Variants in AGBL4 observed in about 807,000 individuals in gnomAD.
The protein encoded by AGBL4 is cytosolic carboxypeptidase 6.
A neutral mutation model predicts 66.4 loss-of-function variants in AGBL4; 58 were observed. The observed-to-expected ratio is 0.87, with a 90% CI of 0.71 to 1.09. The LOEUF (loss-of-function observed/expected upper bound fraction) is 1.09. AGBL4 is among the 50% of genes least tolerant of loss of function. The pLI is 0.00. For missense variants in AGBL4, 579 were observed against 631.0 expected, an observed-to-expected ratio of 0.92 and a Z score of 0.88; for synonymous variants, 234 against 222.9, an observed-to-expected ratio of 1.05 and a Z score of -0.44.
intron 6 of AGBL4, among the ~76,000 whole-genome samples, chr1:48,667,762 G>C (rs1646211823): frequency 1.3e-5 from 2 of 152,180 alleles, no homozygotes; most frequent in South Asian, 2.1e-4. Context: ...CCAAGATGTG[G>C]AGAATCTCAA....
chr1:49,866,557 A>G (rs1213748343), intron 1 of AGBL4, among the ~76,000 whole-genome samples: 4 of 152,164 alleles, frequency 2.6e-5, no homozygotes, highest in Non-Finnish European at 4.4e-5. Flanking sequence ...TGAGGTCAGG[A>G]GTTCGAGACC....
At chr1:48,754,438 G>A (rs569456041) in intron 6 of AGBL4, among the ~76,000 whole-genome samples, 5 of 152,054 alleles carry the variant, frequency 3.3e-5, no homozygotes, top group Admixed American at 1.3e-4. Flanking sequence ...GGATACCCTC[G>A]ATAACTGTTC....
chr1:49,537,013 A>T (rs1029659551), intron 3 of AGBL4, among the ~76,000 whole-genome samples: 1 of 152,110 alleles, frequency 6.6e-6, no homozygotes, highest in African/African-American at 2.4e-5. Flanking sequence ...TCTCAAAAAA[A>T]AAAAAAAGTT....
At chr1:49,610,151 G>A (rs1018423845) in intron 3 of AGBL4, among the ~76,000 whole-genome samples, 6 of 152,174 alleles carry the variant, frequency 3.9e-5, no homozygotes, top group African/African-American at 1.4e-4. Flanking sequence ...AACATGCCCA[G>A]TAAGCCATTC....
chr1:49,253,283 A>G lies in AGBL4; in HGVS notation c.283-7419T>C, dbSNP rs1016447516. On this transcript the variant is annotated intron_variant, in intron 3 of 13. Transcript: ENST00000371839. ...TAGTTTCTGAAAAAACAGACTTTAA[A>G]CCAACAAAGCCCAAAATGACAAAGA... Among the ~76,000 whole-genome samples, 4 of 152,300 alleles carry G rather than the reference A, an allele frequency of 2.6e-5. No individual in the cohort carries two copies. The South Asian group carries it at 6.2e-4, about 24-fold the overall frequency.
intron 4 of AGBL4, among the ~76,000 whole-genome samples, chr1:49,124,834 A>G (rs1321703847): frequency 2.0e-5 from 3 of 152,198 alleles, no homozygotes; most frequent in Non-Finnish European, 4.4e-5. Context: ...TAGTGGGATT[A>G]TATTTCAACT....
At chr1:48,557,685 T>C (rs1644341362) in intron 11 of AGBL4, among the ~76,000 whole-genome samples, 1 of 152,236 alleles carries the variant, frequency 6.6e-6, no homozygotes, top group African/African-American at 2.4e-5. Context: ...TGGTTAGTTA[T>C]AGCTATAGGG....
intron 2 of AGBL4, 58 bp from the exon 3 acceptor site, chr1:49,697,495 A>G (rs1647009919): frequency 7.5e-7 from 1 of 1,326,808 alleles, no homozygotes; most frequent in African/African-American, 1.5e-5. Context: ...GCTCAATGGT[A>G]CACACATTTA....
intron 1 of AGBL4, among the ~76,000 whole-genome samples, chr1:49,882,975 G>C (rs1647569900): frequency 6.6e-6 from 1 of 152,040 alleles, no homozygotes; most frequent in Non-Finnish European, 1.5e-5. Context: ...AAATATGTGA[G>C]CTTAGTACCT....
At chr1:48,687,722 G>A (rs921147723) in intron 6 of AGBL4, among the ~76,000 whole-genome samples, 11 of 152,312 alleles carry the variant, frequency 7.2e-5, no homozygotes, top group South Asian at 4.1e-4. Context: ...GTGATCTGCT[G>A]CCTCAGTGCT....
intron 3 of AGBL4, among the ~76,000 whole-genome samples, chr1:49,308,805 T>A (rs1347399180): frequency 6.6e-6 from 1 of 152,152 alleles, no homozygotes; most frequent in Non-Finnish European, 1.5e-5. Flanking sequence ...ACGTTTAGAC[T>A]AGCACAGGTG....
At chr1:48,935,074 T>C (rs952305799) in intron 5 of AGBL4, among the ~76,000 whole-genome samples, 1 of 152,214 alleles carries the variant, frequency 6.6e-6, no homozygotes, top group Non-Finnish European at 1.5e-5. Flanking sequence ...ATTTTGGTTA[T>C]AGCCTGCTGA....
At chr1:48,943,002 T>C (rs943313045) in intron 5 of AGBL4, among the ~76,000 whole-genome samples, 2 of 152,240 alleles carry the variant, frequency 1.3e-5, no homozygotes, top group Admixed American at 1.3e-4. Flanking sequence ...TATCTAATCA[T>C]CATCTTTTCC....
At chr1:48,578,224 C>G (rs1381160014) in intron 11 of AGBL4, among the ~76,000 whole-genome samples, 1 of 152,188 alleles carries the variant, frequency 6.6e-6, no homozygotes, top group African/African-American at 2.4e-5. Flanking sequence ...ACAGGCAAAG[C>G]TTATGCTCTA....
At chr1:49,531,570 T>C (rs1651144249) in intron 3 of AGBL4, among the ~76,000 whole-genome samples, 1 of 152,140 alleles carries the variant, frequency 6.6e-6, no homozygotes, top group Non-Finnish European at 1.5e-5. Context: ...CTGTTGACTA[T>C]TTAGTAATAG....
At chr1:48,590,353 C>T (rs2148346734) in intron 10 of AGBL4, among the ~76,000 whole-genome samples, 1 of 146,572 alleles carries the variant, frequency 6.8e-6, no homozygotes, top group East Asian at 2.0e-4. Flanking sequence ...TTGCAGTGAG[C>T]CAAGATCATG....
chr1:49,929,960 C>T (rs998854341), intron 1 of AGBL4, among the ~76,000 whole-genome samples: 2 of 151,788 alleles, frequency 1.3e-5, no homozygotes, highest in African/African-American at 4.8e-5. Context: ...TTTAAGAAAT[C>T]CATCACTAAA....
intron 5 of AGBL4, among the ~76,000 whole-genome samples, chr1:49,006,469 C>G (rs1423200707): frequency 6.6e-6 from 1 of 152,220 alleles, no homozygotes; most frequent in Non-Finnish European, 1.5e-5. Context: ...CGCCATTGCC[C>G]AGGCTTGCTT....
At chr1:49,626,047 G>T (rs1645457694) in intron 3 of AGBL4, among the ~76,000 whole-genome samples, 1 of 152,096 alleles carries the variant, frequency 6.6e-6, no homozygotes, top group Admixed American at 6.6e-5. Context: ...AAAACTACTG[G>T]TAGGTTATTG....
Sources: gnomAD v4.1 joint callset for allele counts (sites outside exome capture counted in the v4.1 genomes callset) on GRCh38, gnomAD v4.1.1 for gene constraint, MANE v1.5 for transcripts, NCBI Gene and HGNC (gene_info 2026-07-23, HGNC 2026-07-21) for gene names.